Variants in IQCK observed in about 807,000 individuals in gnomAD.
IQCK encodes IQ motif containing K.
In IQCK, 29 loss-of-function variants were observed where a neutral mutation model predicts 28.1. The ratio of observed to expected loss-of-function variants is 1.03; its 90% CI spans 0.77 to 1.41. The LOEUF is 1.41. Ranked by LOEUF, IQCK falls within the 40% of genes most tolerant of loss-of-function variation. The probability of loss-of-function intolerance (pLI) is 0.00; values close to 1 mark genes in which losing one functional copy is unlikely to be tolerated. For synonymous variants in IQCK, 113 were observed against 115.1 expected, an observed-to-expected ratio of 0.98 and a Z score of 0.12; for missense variants, 359 against 314.7, an observed-to-expected ratio of 1.14 and a Z score of -1.07.
chr16:19,739,124 G>A (rs1400272131), intron 4 of IQCK, among the ~76,000 whole-genome samples: 2 of 152,282 alleles, frequency 1.3e-5, no homozygotes, highest in African/African-American at 2.4e-5. Context: ...ATGCAATTCA[G>A]CTATCATGTA....
At position 19,726,712 on chromosome 16, in the gene IQCK, G is replaced by GT. The variant is rs138002256; in HGVS notation, c.182-3717dup. On this transcript the variant is annotated intron_variant, in intron 1 of 7. Transcript: ENST00000564186. ...TAAATGAATGAATAAGCCGTTAAAAGTAACTTACGATATGGTTGGTTCTGT... is the reference window on the plus strand; with the variant it reads ...TAAATGAATGAATAAGCCGTTAAAAGTTAACTTACGATATGGTTGGTTCTGT... Among the ~76,000 whole-genome samples the GT allele has an allele frequency of 3.1e-3, 471 of 152,278 alleles. 2 individuals are homozygous for GT. Among genetic ancestry groups the GT allele is most frequent in the African/African-American group, 0.011 (452 of 41,568 alleles).
At chr16:19,743,825 G>A (rs982395453) in intron 4 of IQCK, among the ~76,000 whole-genome samples, 2 of 152,214 alleles carry the variant, frequency 1.3e-5, no homozygotes, top group African/African-American at 4.8e-5. Flanking sequence ...TGAGAAGTTA[G>A]CAAGCCTTTT....
Position 19,847,098 on chromosome 16 carries a change from A to C in IQCK, c.803-9389A>C, listed in dbSNP as rs148679960. Among the ~76,000 whole-genome samples the C allele has an allele frequency of 1.5e-3, 223 of 152,304 alleles. 1 individual carries two copies. The highest frequency in any genetic ancestry group is 3.9e-4 in the East Asian group (2 of 5,182). Reference sequence around the variant, plus strand: ...CCTCAATTTCTCAGTCAGTAAAATGAAAATGAGGATAGCATCTACCTCCCA... The same window carrying C: ...CCTCAATTTCTCAGTCAGTAAAATGCAAATGAGGATAGCATCTACCTCCCA... On this transcript the variant is annotated intron_variant, in intron 9 of 9. Transcript: ENST00000320394.
chr16:19,719,659 G>T (rs1977417966), intron 1 of IQCK, among the ~76,000 whole-genome samples: 1 of 145,232 alleles, frequency 6.9e-6, no homozygotes, highest in African/African-American at 2.5e-5. Flanking sequence ...TGAATTTCTT[G>T]TTGGACTCAA....
chr16:19,731,679 G>A (rs773910699), intron 2 of IQCK, among the ~76,000 whole-genome samples: 3 of 152,120 alleles, frequency 2.0e-5, no homozygotes, highest in Non-Finnish European at 4.4e-5. Flanking sequence ...TTTCTATATA[G>A]CTGGTATATT....
At chr16:19,718,724 G>A (rs1359173510) in intron 1 of IQCK, among the ~76,000 whole-genome samples, 4 of 152,244 alleles carry the variant, frequency 2.6e-5, no homozygotes, top group Non-Finnish European at 4.4e-5. Flanking sequence ...CAAGGGAACG[G>A]CGAGGGAAAG....
intron 4 of IQCK, among the ~76,000 whole-genome samples, chr16:19,746,446 T>C (rs1198682640): frequency 6.6e-6 from 1 of 152,208 alleles, no homozygotes; most frequent in African/African-American, 2.4e-5. Flanking sequence ...CCATTAACCA[T>C]CCCCAACCTG....
At chr16:19,810,436 G>A (rs1349730291) in intron 7 of IQCK, among the ~76,000 whole-genome samples, 8 of 151,592 alleles carry the variant, frequency 5.3e-5, no homozygotes, top group Non-Finnish European at 1.0e-4. Flanking sequence ...GGTGGAGCTT[G>A]CAGTGAGCCG....
downstream of IQCK, among the ~76,000 whole-genome samples, chr16:19,831,650 C>T (rs2056234558): frequency 6.7e-6 from 1 of 150,180 alleles, no homozygotes; most frequent in African/African-American, 2.5e-5. Flanking sequence ...AATGGTTTTT[C>T]AACTTCATTA....
At chr16:19,809,307 C>G (rs571041024) in intron 7 of IQCK, among the ~76,000 whole-genome samples, 2 of 152,318 alleles carry the variant, frequency 1.3e-5, no homozygotes, top group East Asian at 3.9e-4. Context: ...TTTTTCATGA[C>G]GTGTGTTAGC....
chr16:19,765,433 G>C (rs2055219533), intron 6 of IQCK, among the ~76,000 whole-genome samples: 1 of 151,920 alleles, frequency 6.6e-6, no homozygotes, highest in South Asian at 2.1e-4. Context: ...AGCTACTCAG[G>C]AGGCTGAGGC....
intron 1 of IQCK, among the ~76,000 whole-genome samples, chr16:19,719,736 A>T (rs1244187577): frequency 3.7e-5 from 5 of 135,350 alleles, no homozygotes; most frequent in African/African-American, 1.4e-4. Flanking sequence ...ATGCAGTGGC[A>T]CTGGCTGGGC....
intron 7 of IQCK, among the ~76,000 whole-genome samples, chr16:19,806,307 G>A (rs1233007572): frequency 6.6e-6 from 1 of 152,092 alleles, no homozygotes; most frequent in African/African-American, 2.4e-5. Flanking sequence ...TGAGGCTACA[G>A]TGAGCTATGA....
chr16:19,725,692 C>G (rs929930409), intron 1 of IQCK, among the ~76,000 whole-genome samples: 1 of 152,136 alleles, frequency 6.6e-6, no homozygotes, highest in Non-Finnish European at 1.5e-5. Context: ...AATCATATTT[C>G]AGATTGAAAC....
Position 19,854,477 on chromosome 16 carries a change from C to G in IQCK, c.803-2010C>G, listed in dbSNP as rs2056528852. 2.6e-5 allele frequency among the ~76,000 whole-genome samples: 4 copies of G among 152,304 alleles called. No individual in the cohort carries two copies. The South Asian group carries it at 8.3e-4, about 32-fold the overall frequency. ...AATGCAGATGGATGGGCTCCACCCCCAGTGTCTGGTTCTGTCTGCCTGGAA... is the reference window on the plus strand; with the variant it reads ...AATGCAGATGGATGGGCTCCACCCCGAGTGTCTGGTTCTGTCTGCCTGGAA... On this transcript the variant is annotated intron_variant, in intron 9 of 9. Coordinates refer to the IQCK transcript ENST00000320394.
chr16:19,833,182 A>G (rs1457017807), intron 9 of IQCK, among the ~76,000 whole-genome samples: 1 of 152,204 alleles, frequency 6.6e-6, no homozygotes, highest in Non-Finnish European at 1.5e-5. Context: ...TAGTTACCAT[A>G]CTTTACATTA....
intron 4 of IQCK, among the ~76,000 whole-genome samples, chr16:19,749,163 G>A (rs2054952503): frequency 6.6e-6 from 1 of 152,162 alleles, no homozygotes; most frequent in South Asian, 2.1e-4. Context: ...ATCATAAAGG[G>A]TTATCCAGGA....
chr16:19,775,437 CCAAA>C (rs1409421245), intron 6 of IQCK, among the ~76,000 whole-genome samples: 2 of 152,078 alleles, frequency 1.3e-5, no homozygotes, highest in Admixed American at 1.3e-4. Context: ...TACCTACCTA[CCAAA>C]CATTTACATA....
Position 19,798,421 on chromosome 16 carries a change from A to ATAT in IQCK, c.690+9499_690+9500insTAT, listed in dbSNP as rs2055716302. ...GACAGAGCCAGAGTCCATCACAAAA[A>ATAT]ATATATATATATATATATATATATT... On this transcript the variant is annotated intron_variant, in intron 7 of 7. Transcript: ENST00000564186. Among the ~76,000 whole-genome samples the ATAT allele has an allele frequency of 5.5e-4, 64 of 115,474 alleles. No individual in the cohort carries two copies. In the East Asian group the frequency reaches 0.012, roughly 22 times the overall value. 75.8% of individuals were successfully genotyped at this position (115,474 alleles called of 152,430 possible).
Sources: allele counts gnomAD v4.1 joint callset (sites outside exome capture counted in the v4.1 genomes callset), GRCh38; gene constraint gnomAD v4.1.1; transcripts MANE v1.5; gene names NCBI Gene and HGNC (gene_info 2026-07-23, HGNC 2026-07-21).